RYR2: variants seen among roughly 807,000 people sequenced by gnomAD.
The protein encoded by RYR2 is cardiac muscle ryanodine receptor-calcium release channel.
Under a neutral mutation model 601.1 loss-of-function variants are expected in RYR2, and 227 were observed. The ratio of observed to expected loss-of-function variants is 0.38; its 90% confidence interval spans 0.34 to 0.42. RYR2 has a LOEUF of 0.42. RYR2 is among the 10% of genes least tolerant of loss of function. RYR2 has a pLI of 1.00. For missense variants in RYR2, 4,646 were observed against 6,156.5 expected (o/e 0.75, Z 8.21); for synonymous variants, 2,223 against 2,175.1 (o/e 1.02, Z -0.61).
intron 60 of RYR2, among the ~76,000 whole-genome samples, chr1:237,677,212 A>C (rs1685478126): frequency 6.6e-6 from 1 of 152,172 alleles, no homozygotes; most frequent in African/African-American, 2.4e-5. Flanking sequence ...TGGCTCTTGA[A>C]TATCTGGAAG....
At chr1:237,181,664 A>T (rs974631184) in intron 1 of RYR2, among the ~76,000 whole-genome samples, 1 of 152,222 alleles carries the variant, frequency 6.6e-6, no homozygotes, top group African/African-American at 2.4e-5. Context: ...GAAACCCATC[A>T]GCCTCCACAT....
rs1408696693 is a variant in RYR2 at position 237,330,970 on chromosome 1, G to T, written c.261G>T (p.Glu87Asp). ...ALQEMLANTV[E>D]KSEGQVDVEK... ...AGGAGATGCTGGCTAACACCGTGGA[G>T]AAATCAGAAGGGGCAAGTACCCAAT... Residue 87 changes from glutamate to aspartate, a missense_variant, in exon 3 of 105, where the codon GAG becomes GAT. Glu to Asp is a conservative substitution (Grantham distance 45). This residue lies in a region of RYR2 where 153 missense variants were observed against 203.6 expected (regional missense o/e 0.75). Transcript: ENST00000366574. 2 of 1,613,782 alleles carry T rather than the reference G, an allele frequency of 1.2e-6. No homozygotes were observed. The highest frequency in any genetic ancestry group is 2.7e-5 in the African/African-American group (2 of 74,944).
chr1:237,829,819 T>C (rs1160902319), intron 102 of RYR2, among the ~76,000 whole-genome samples: 1 of 152,138 alleles, frequency 6.6e-6, no homozygotes, highest in Non-Finnish European at 1.5e-5. Context: ...AATTATTGAA[T>C]ACATTGCTTC....
intron 84 of RYR2, among the ~76,000 whole-genome samples, chr1:237,767,585 CT>C (rs1434310664): frequency 7.2e-5 from 11 of 152,062 alleles, no homozygotes; most frequent in African/African-American, 2.4e-4. Flanking sequence ...TATAATAAAC[CT>C]GAATTGAAAT....
At chr1:237,740,946 TG>T (rs1354652734) in intron 79 of RYR2, among the ~76,000 whole-genome samples, 1 of 152,162 alleles carries the variant, frequency 6.6e-6, no homozygotes, top group Admixed American at 6.5e-5. Flanking sequence ...AAAGTTCTCA[TG>T]AGTTCTTATT....
In RYR2 at chr1:237,208,605, C is replaced by T. The variant is rs617676; in HGVS notation, c.49-61892C>T. Among the ~76,000 whole-genome samples, 39 of 150,518 alleles carry T rather than the reference C, an allele frequency of 2.6e-4. 1 individual carries two copies. The highest frequency in any genetic ancestry group is 1.8e-3 in the Admixed American group (27 of 15,232). ...ATTGTCAAAAATTATATATATTCAACGTATACAATGTGATGTTTTGATATA... is the reference window on the plus strand; with the variant it reads ...ATTGTCAAAAATTATATATATTCAATGTATACAATGTGATGTTTTGATATA... On this transcript the variant is annotated intron_variant, in intron 1 of 104. Coordinates refer to ENST00000366574, the MANE Select transcript of RYR2 (RefSeq NM_001035.3).
At chr1:237,383,417 G>GTTTTTTTTTTTTTTTTTTTTTTTTTTT (rs10567644) in intron 8 of RYR2, among the ~76,000 whole-genome samples, 1 of 50,560 alleles carries the variant, frequency 2.0e-5, no homozygotes, top group Non-Finnish European at 3.8e-5. Context: ...CTTTTTTCTT[G>GTTTTTTTTTTTTTTTTTTTTTTTTTTT]TTTTTTTTTT....
At chr1:237,248,299 CA>C (rs1161008294) in intron 1 of RYR2, among the ~76,000 whole-genome samples, 45 of 104,960 alleles carry the variant, frequency 4.3e-4, no homozygotes, top group African/African-American at 9.3e-4. Flanking sequence ...CCCCCCCCCC[CA>C]AAAATGATGA....
At chr1:237,089,066 C>T (rs1666667927) in intron 1 of RYR2, among the ~76,000 whole-genome samples, 1 of 152,186 alleles carries the variant, frequency 6.6e-6, no homozygotes, top group Non-Finnish European at 1.5e-5. Flanking sequence ...GAAAGGCACC[C>T]TCTGGTTTTT....
intron 60 of RYR2, 102 bp from the exon 61 acceptor site, chr1:237,677,946 G>A (rs184773487): frequency 4.0e-5 from 29 of 729,300 alleles, no homozygotes; most frequent in Non-Finnish European, 4.1e-5. Context: ...TCAGTTTAGC[G>A]GGATAATACA....
intron 17 of RYR2, among the ~76,000 whole-genome samples, chr1:237,489,876 TCATCAATCTAGGTACC>T: frequency 6.6e-6 from 1 of 152,274 alleles, no homozygotes; most frequent in South Asian, 2.1e-4. Flanking sequence ...CAAAGACATG[TCATCAATCTAGGTACC>T]CATCCACAGT....
chr1:237,417,172 G>T (rs746552614), intron 11 of RYR2, 49 bp downstream of exon 11: 1 of 1,410,858 alleles, frequency 7.1e-7, no homozygotes, highest in Non-Finnish European at 1.0e-6. Context: ...GTACCAAATA[G>T]CTCAGCGTTG....
At chr1:237,182,472 ATTGTCACCATCTTACTC>A (rs1243478027) in intron 1 of RYR2, among the ~76,000 whole-genome samples, 3 of 152,058 alleles carry the variant, frequency 2.0e-5, no homozygotes, top group Non-Finnish European at 2.9e-5. Flanking sequence ...CTTCCTGGAA[ATTGTCACCATCTTACTC>A]TTATTTCTTA....
intron 73 of RYR2, among the ~76,000 whole-genome samples, chr1:237,722,476 C>G (rs555521157): frequency 6.6e-6 from 1 of 151,304 alleles, no homozygotes; most frequent in Admixed American, 6.6e-5. Context: ...CTCTGTCGCC[C>G]AGGCTGGAGT....
intron 25 of RYR2, among the ~76,000 whole-genome samples, chr1:237,534,745 T>C (rs1668434845): frequency 6.6e-6 from 1 of 152,064 alleles, no homozygotes; most frequent in Non-Finnish European, 1.5e-5. Context: ...TAAATGAACC[T>C]ATCCTTTTTT....
chr1:237,301,193 T>C (rs1693315335), intron 2 of RYR2, among the ~76,000 whole-genome samples: 1 of 152,162 alleles, frequency 6.6e-6, no homozygotes, highest in Admixed American at 6.6e-5. Flanking sequence ...ATGAAAATTC[T>C]ACTTAGAGAC....
chr1:237,123,650 A>ATTTTTTTT (rs869177997), intron 1 of RYR2, among the ~76,000 whole-genome samples: 2 of 78,928 alleles, frequency 2.5e-5, no homozygotes, highest in Non-Finnish European at 4.6e-5. Flanking sequence ...ATCAGTCACT[A>ATTTTTTTT]TTTTTTTTTT....
chr1:237,448,473 C>T (rs539359264), intron 14 of RYR2, among the ~76,000 whole-genome samples: 1 of 152,162 alleles, frequency 6.6e-6, no homozygotes, highest in South Asian at 2.1e-4. Flanking sequence ...TGTGCATTCT[C>T]CTCTTGTTGG....
At chr1:237,230,973 T>TTGGAG (rs1212181830) in intron 1 of RYR2, among the ~76,000 whole-genome samples, 1 of 150,452 alleles carries the variant, frequency 6.6e-6, no homozygotes, top group African/African-American at 2.4e-5. Flanking sequence ...TACTTGTAAT[T>TTGGAG]TGGAGTATGG....
Sources: gnomAD v4.1 joint callset for allele counts (sites outside exome capture counted in the v4.1 genomes callset) on GRCh38, gnomAD v4.1.1 for gene constraint, gnomAD v4.1.1 regional missense constraint, MANE v1.5 for transcripts, NCBI Gene and HGNC (gene_info 2026-07-23, HGNC 2026-07-21) for gene names.